ANKS1B: variants seen among roughly 807,000 people sequenced by gnomAD.
ANKS1B encodes ankyrin repeat and sterile alpha motif domain-containing protein 1B.
ANKS1B carries 36 observed loss-of-function variants against 148.3 expected under a neutral mutation model. The ratio of observed to expected loss-of-function variants is 0.24; its 90% confidence interval spans 0.19 to 0.32. The LOEUF (loss-of-function observed/expected upper bound fraction) is 0.32. ANKS1B is among the 10% of genes least tolerant of loss of function. The pLI is 1.00. For missense variants in ANKS1B, 1,157 were observed against 1,542.6 expected (o/e 0.75, Z 4.19); for synonymous variants, 542 against 560.8 (o/e 0.97, Z 0.47).
intron 15 of ANKS1B, among the ~76,000 whole-genome samples, chr12:99,149,627 T>C (rs2074293804): frequency 6.6e-6 from 1 of 152,146 alleles, no homozygotes; most frequent in African/African-American, 2.4e-5. Context: ...TTTTGATTAG[T>C]TTATAAATAT....
At chr12:99,522,445 A>C (rs1446556539) in intron 9 of ANKS1B, among the ~76,000 whole-genome samples, 1 of 152,216 alleles carries the variant, frequency 6.6e-6, no homozygotes. Flanking sequence ...AGCACTTAAT[A>C]AGTAAAGAGA....
intron 8 of ANKS1B, among the ~76,000 whole-genome samples, chr12:99,725,339 G>T (rs1395836231): frequency 6.6e-6 from 1 of 152,068 alleles, no homozygotes; most frequent in African/African-American, 2.4e-5. Context: ...AAAGCAAAAA[G>T]AAAGCAGGGG....
intron 16 of ANKS1B, among the ~76,000 whole-genome samples, chr12:99,080,898 G>A (rs1471820488): frequency 6.6e-6 from 1 of 152,144 alleles, no homozygotes; most frequent in South Asian, 2.1e-4. Context: ...CATAAAAAGG[G>A]AAAAAGGTGA....
At chr12:99,975,877 C>G (rs571833762) in intron 1 of ANKS1B, among the ~76,000 whole-genome samples, 1 of 152,270 alleles carries the variant, frequency 6.6e-6, no homozygotes, top group East Asian at 1.9e-4. Flanking sequence ...ATAAATCATT[C>G]TACCAAAAAG....
chr12:99,402,121 A>T (rs2094421172), intron 11 of ANKS1B, among the ~76,000 whole-genome samples: 1 of 146,298 alleles, frequency 6.8e-6, no homozygotes, highest in South Asian at 2.1e-4. Context: ...TAAAACCGTA[A>T]CTATAGGTTT....
At chr12:99,468,581 A>G (rs1444162731) in intron 10 of ANKS1B, among the ~76,000 whole-genome samples, 1 of 152,234 alleles carries the variant, frequency 6.6e-6, no homozygotes, top group African/African-American at 2.4e-5. Flanking sequence ...ATGAACTCAA[A>G]CAAATTTACA....
intron 12 of ANKS1B, among the ~76,000 whole-genome samples, chr12:99,368,353 G>A (rs1328358163): frequency 6.6e-6 from 1 of 151,594 alleles, no homozygotes; most frequent in African/African-American, 2.4e-5. Flanking sequence ...TAACAAACCT[G>A]CACATGTACC....
At chr12:99,528,724 A>G (rs1209509668) in intron 9 of ANKS1B, among the ~76,000 whole-genome samples, 7 of 152,188 alleles carry the variant, frequency 4.6e-5, no homozygotes. Flanking sequence ...AATTTTTAAA[A>G]TGAGATAAAT....
chr12:99,647,739 C>A (rs888094296), intron 9 of ANKS1B: 4 of 181,538 alleles, frequency 2.2e-5, no homozygotes, highest in South Asian at 2.4e-4. Context: ...AGTGGTCCTG[C>A]GGGGTGGTTT....
chr12:99,924,094 CAG>C (rs2094430606), intron 1 of ANKS1B, among the ~76,000 whole-genome samples: 1 of 152,122 alleles, frequency 6.6e-6, no homozygotes, highest in South Asian at 2.1e-4. Flanking sequence ...ACCTGATACT[CAG>C]TGTCTTCCTG....
chr12:98,934,176 G>C (rs1218118223), intron 17 of ANKS1B, among the ~76,000 whole-genome samples: 4 of 151,994 alleles, frequency 2.6e-5, no homozygotes, highest in Admixed American at 2.0e-4. Context: ...TTGATATTTT[G>C]TGTATGCCAT....
intron 8 of ANKS1B, among the ~76,000 whole-genome samples, chr12:99,686,316 C>A (rs2153493054): frequency 6.6e-6 from 1 of 152,202 alleles, no homozygotes; most frequent in South Asian, 2.1e-4. Context: ...CAATTATAGG[C>A]AGCCAGCTTT....
At chr12:99,579,048 AC>A (rs904736286) in intron 9 of ANKS1B, among the ~76,000 whole-genome samples, 1 of 152,114 alleles carries the variant, frequency 6.6e-6, no homozygotes, top group Non-Finnish European at 1.5e-5. Context: ...AAAGCTGCAC[AC>A]CTAAAACCAA....
chr12:99,872,815 C>T (rs1245621813), intron 1 of ANKS1B, among the ~76,000 whole-genome samples: 1 of 152,086 alleles, frequency 6.6e-6, no homozygotes, highest in Non-Finnish European at 1.5e-5. Flanking sequence ...TGAAAACTAT[C>T]TCTTTAGGGA....
chr12:99,773,166 C>T, intron 7 of ANKS1B, 78 bp from the exon 8 acceptor site: 1 of 1,193,758 alleles, frequency 8.4e-7, no homozygotes, highest in Non-Finnish European at 1.2e-6. Flanking sequence ...AATATGACTG[C>T]TATGGTGATA....
rs143298811 is a variant in ANKS1B, at chr12:98,797,703, T to C, written c.3342+1231A>G. Among the ~76,000 whole-genome samples the C allele has an allele frequency of 2.9e-3, 449 of 152,342 alleles. 8 individuals carry two copies. Among genetic ancestry groups the C allele is most frequent in the African/African-American group, 0.01 (422 of 41,592 alleles). On this transcript the variant is annotated intron_variant, in intron 22 of 26. Transcript: ENST00000683438. ...GATCAAAATATTAGTGATTACATAT[T>C]GAAGTCTCAATTTCATGAAGATTCA...
At chr12:98,998,123 G>A (rs2099930799) in intron 17 of ANKS1B, among the ~76,000 whole-genome samples, 2 of 152,174 alleles carry the variant, frequency 1.3e-5, no homozygotes, top group Admixed American at 6.5e-5. Flanking sequence ...CATCTGTTCT[G>A]AGAATTCAGC....
chr12:99,030,795 T>C (rs1163281391), intron 17 of ANKS1B, among the ~76,000 whole-genome samples: 7 of 152,240 alleles, frequency 4.6e-5, no homozygotes, highest in Non-Finnish European at 1.0e-4. Flanking sequence ...ATGTAAATGA[T>C]TATCGAACTG....
chr12:98,877,100 C>T (rs1224244874), intron 17 of ANKS1B, among the ~76,000 whole-genome samples: 1 of 152,120 alleles, frequency 6.6e-6, no homozygotes, highest in African/African-American at 2.4e-5. Context: ...GTCTGAGTGA[C>T]TCATAAAAAC....
Sources: allele counts gnomAD v4.1 joint callset (sites outside exome capture counted in the v4.1 genomes callset), GRCh38; gene constraint gnomAD v4.1.1; transcripts MANE v1.5; gene names NCBI Gene and HGNC (gene_info 2026-07-23, HGNC 2026-07-21).